TRIML2: variants seen among roughly 807,000 people sequenced by gnomAD.
The protein encoded by TRIML2 is tripartite motif family like 2.
TRIML2 carries 28 observed loss-of-function variants against 31.2 expected under a neutral mutation model. The ratio of observed to expected loss-of-function variants is 0.90; its 90% CI spans 0.66 to 1.23. The LOEUF is 1.23. Ranked by LOEUF, TRIML2 falls within the 50% of genes most tolerant of loss-of-function variation. TRIML2 has a pLI of 0.00. For synonymous variants in TRIML2, 187 were observed against 197.5 expected, an observed-to-expected ratio of 0.95 and a Z score of 0.45; for missense variants, 536 against 528.3, an observed-to-expected ratio of 1.01 and a Z score of -0.14.
intron 7 of TRIML2, among the ~76,000 whole-genome samples, chr4:188,094,880 C>G (rs1358006585): frequency 1.3e-5 from 2 of 152,160 alleles, no homozygotes; most frequent in African/African-American, 4.8e-5. Flanking sequence ...TTCAAGACTT[C>G]CTACAGAGTT....
intron 7 of TRIML2, 46 bp from the exon 8 acceptor site, chr4:188,091,987 C>A: frequency 6.4e-7 from 1 of 1,551,056 alleles, no homozygotes. Context: ...TCACCAATGC[C>A]AATGCCAGAG....
At chr4:188,102,529 G>C (rs954955686) in intron 3 of TRIML2, among the ~76,000 whole-genome samples, 2 of 152,088 alleles carry the variant, frequency 1.3e-5, no homozygotes, top group African/African-American at 4.8e-5. Context: ...TCATCTTAGA[G>C]ATGCTTAAAT....
In TRIML2 at chr4:188,091,820, GA is replaced by G. The variant is rs1238904325; in HGVS notation, c.866del (p.Phe289SerfsTer57). 17 of 1,614,052 alleles carry G rather than the reference GA, an allele frequency of 1.1e-5. No homozygotes were observed. The highest frequency in any genetic ancestry group is 1.3e-5 in the African/African-American group (1 of 74,928). On this transcript the variant is annotated frameshift_variant, in exon 8 of 8. Coordinates refer to ENST00000682553, the MANE Select transcript of TRIML2 (RefSeq NM_173553.4). LOFTEE classifies it low-confidence loss of function (END_TRUNC). ...TCTCCGCAGCCAGCACCATGGCACT[GA>G]AATCCAATCTTTCTGGGTTGCCAGC... is the stretch of plus-strand genomic sequence containing the variant. ...DGAGNPERLD[F>X]SAMVLAAESF... is the part of the protein sequence containing the mutation.
intron 1 of TRIML2, among the ~76,000 whole-genome samples, chr4:188,107,435 G>A (rs886687017): frequency 6.6e-6 from 1 of 152,142 alleles, no homozygotes; most frequent in African/African-American, 2.4e-5. Context: ...GAGTGCAAAG[G>A]AGTACTGATT....
At chr4:188,106,092 C>CG (rs1734023321) in intron 1 of TRIML2, 1 of 152,016 alleles carries the variant, frequency 6.6e-6, no homozygotes, top group Non-Finnish European at 1.5e-5. Context: ...CTCTGTCACC[C>CG]AGGCTGGAGT....
At chr4:188,101,273 A>G in intron 3 of TRIML2, 23 bp from the exon 4 acceptor site, 1 of 1,547,668 alleles carries the variant, frequency 6.5e-7, no homozygotes, top group South Asian at 1.1e-5. Context: ...GACATGATAG[A>G]CTTCAGGTTA....
chr4:188,092,644 C>A, intron 7 of TRIML2: 1 of 375,758 alleles, frequency 2.7e-6, no homozygotes, highest in Non-Finnish European at 5.3e-6. Flanking sequence ...CTCCCGATGC[C>A]GTACTCTACA....
At chr4:188,093,131 T>C (rs1373211955) in intron 7 of TRIML2, 2 of 265,242 alleles carry the variant, frequency 7.5e-6, no homozygotes, top group Non-Finnish European at 7.5e-6. Flanking sequence ...AGCTCCCTCA[T>C]TGCTTCAGTT....
rs182435898 is a variant in TRIML2 at position 188,091,708 on chromosome 4, C to T, written c.979G>A (p.Ala327Thr). ...GAAGCTCTGGCCGTGCTGCCCTTCG[C>T]GTCTGCAGAGCCGTGGTATATGCCC... Reference protein sequence around the residue: ...QVGIYHGSADAKGSTARASGE... With the variant: ...QVGIYHGSADTKGSTARASGE... The change falls in exon 8 of 8, where the codon GCG becomes ACG. Residue 327 changes from alanine (A) to threonine (T), a missense_variant. Coordinates refer to ENST00000682553, the MANE Select transcript of TRIML2 (RefSeq NM_173553.4). The T allele has an allele frequency of 4.8e-5, 78 of 1,613,540 alleles. No individual in the cohort carries two copies. In the East Asian group the frequency reaches 1.4e-3, roughly 30 times the overall value.
At chr4:188,101,852 T>C (rs189400784) in intron 3 of TRIML2, among the ~76,000 whole-genome samples, 3 of 152,024 alleles carry the variant, frequency 2.0e-5, no homozygotes, top group Admixed American at 2.0e-4. Flanking sequence ...ATGAATTGGC[T>C]GGGCGCGGTG....
rs1290739114 is a variant in TRIML2 at position 188,091,780 on chromosome 4, TC to T, written c.906del (p.Arg303GlyfsTer43). 1.2e-6 allele frequency: 2 copies of T among 1,613,970 alleles called. No individual in the cohort carries two copies. Among genetic ancestry groups the T allele is most frequent in the Non-Finnish European group, 1.7e-6 (2 of 1,180,026 alleles). On this transcript the variant is annotated frameshift_variant, in exon 8 of 8. Transcript: ENST00000682553. LOFTEE classifies it low-confidence loss of function (END_TRUNC). ...TCCACGTCCACCTCCCAGTAGTGCCTCCCTGAGGTGAAGCTCTCCGCAGCCA... is the reference window on the plus strand; with the variant it reads ...TCCACGTCCACCTCCCAGTAGTGCCTCCTGAGGTGAAGCTCTCCGCAGCCA... The part of the protein sequence containing the change: ...MVLAAESFTS[G>X]RHYWEVDVEK...
At chr4:188,094,090 C>CAAAAAAA (rs750066436) in intron 7 of TRIML2, among the ~76,000 whole-genome samples, 6 of 112,702 alleles carry the variant, frequency 5.3e-5, no homozygotes, top group African/African-American at 1.7e-4. Flanking sequence ...GACAGCATCT[C>CAAAAAAA]AAAAAACAAA....
At chr4:188,108,306 T>C (rs1734124399) in intron 1 of TRIML2, among the ~76,000 whole-genome samples, 1 of 152,174 alleles carries the variant, frequency 6.6e-6, no homozygotes, top group South Asian at 2.1e-4. Context: ...ATAGAATGTC[T>C]AAGGAGCACT....
At position 188,097,332 on chromosome 4, in the gene TRIML2, A is replaced by G. The variant is rs17883789; in HGVS notation, c.636T>C (p.Ser212=). 0.14 allele frequency: 227,811 copies of G among 1,612,686 alleles called. 16,783 individuals carry two copies. Among genetic ancestry groups the G allele is most frequent in the Admixed American group, 0.22 (13,340 of 59,916 alleles). ...CCAAAATGAAAACTCACCTTTCTAA[A>G]GAGTATTTTGCATTCTAAGGGAAAG... ...TLALLKNAKY[S]LERSKSLLLE... Residue 212 remains serine (S), a synonymous_variant, in exon 6 of 8, where the codon TCT becomes TCC. Coordinates refer to ENST00000682553, the MANE Select transcript of TRIML2 (RefSeq NM_173553.4).
At chr4:188,097,411 A>G in intron 5 of TRIML2, 65 bp from the exon 6 acceptor site, 1 of 1,472,364 alleles carries the variant, frequency 6.8e-7, no homozygotes, top group Non-Finnish European at 9.5e-7. Context: ...ATCTGTGCCC[A>G]GGAAAATATC....
In TRIML2 at chr4:188,099,131, C is replaced by G. The variant is rs1198093185; in HGVS notation, c.525G>C (p.Glu175Asp). The G allele has an allele frequency of 1.2e-6, 2 of 1,613,734 alleles. No homozygotes were observed. The highest frequency in any genetic ancestry group is 2.2e-5 in the South Asian group (2 of 90,974). ...VGRENMEKLK[E>D]SEARASEQVR... ...CCTGTTCAGAAGCCCTGGCTTCACT[C>G]TCCTTCAGTTTCTCCATGTTCTCTC... The change falls in exon 5 of 8, where the codon GAG (glutamate) becomes GAC (aspartate). Residue 175 changes from glutamate (E) to aspartate (D), a missense_variant. Physicochemically the swap from Glu to Asp is conservative, Grantham distance 45. Transcript: ENST00000682553.
At chr4:188,103,070 T>G (rs1234327783) in intron 3 of TRIML2, among the ~76,000 whole-genome samples, 2 of 140,322 alleles carry the variant, frequency 1.4e-5, no homozygotes, top group Non-Finnish European at 3.0e-5. Context: ...TGGAGTGCAG[T>G]GGCGCCATCT....
chr4:188,100,391 A>G (rs909855309), intron 4 of TRIML2, among the ~76,000 whole-genome samples: 4 of 152,196 alleles, frequency 2.6e-5, no homozygotes, highest in East Asian at 1.9e-4. Context: ...GCCAGTAAAC[A>G]GCTGGCTCAG....
Position 188,097,098 on chromosome 4 carries a change from G to C in TRIML2, c.708C>G (p.His236Gln), listed in dbSNP as rs755539122. 1 of 1,613,926 alleles carries C rather than the reference G, an allele frequency of 6.2e-7. No homozygotes were observed. Among genetic ancestry groups the C allele is most frequent in the African/African-American group, 1.3e-5 (1 of 74,880 alleles). The change falls in exon 7 of 8, where the codon CAC (histidine) becomes CAG (glutamine). Residue 236 changes from histidine (H) to glutamine (Q), a missense_variant. His to Gln is a conservative substitution (Grantham distance 24). Transcript: ENST00000682553. ...TGAACATGCTGCTGAGTCCTCTTAT[G>C]TGGCATAAACTCAGGTCTGTGATAT... ...PAHITDLSLC[H>Q]IRGLSSMFRV...
Sources: allele counts gnomAD v4.1 joint callset (sites outside exome capture counted in the v4.1 genomes callset), GRCh38; gene constraint gnomAD v4.1.1; transcripts MANE v1.5; gene names NCBI Gene and HGNC (gene_info 2026-07-23, HGNC 2026-07-21).